TET1: variants seen among roughly 807,000 people sequenced by gnomAD.
TET1 encodes tet methylcytosine dioxygenase 1.
In TET1, 13 loss-of-function variants were observed where a neutral mutation model predicts 148.7. The ratio of observed to expected loss-of-function variants is 0.09; its 90% CI spans 0.06 to 0.14. TET1 has a LOEUF of 0.14. Ranked by LOEUF, TET1 falls within the 10% of genes least tolerant of loss-of-function variation. TET1 has a pLI of 1.00. For synonymous variants in TET1, 907 were observed against 937.2 expected, an observed-to-expected ratio of 0.97 and a Z score of 0.59; for missense variants, 2,182 against 2,553.8, an observed-to-expected ratio of 0.85 and a Z score of 3.14.
Position 68,573,069 on chromosome 10 carries a change from C to T in TET1, c.731C>T (p.Ala244Val). The change falls in exon 2 of 12, where the codon GCT becomes GTT. Residue 244 changes from alanine to valine, a missense_variant. Transcript: ENST00000373644. ...NDTSGSPKMF[A>V]QDTVCAPFPQ... Reference sequence around the variant, plus strand: ...ACCAGTGGTTCCCCAAAAATGTTTGCTCAGGACACAGTGTGTGCTCCTTTT... The same window carrying T: ...ACCAGTGGTTCCCCAAAAATGTTTGTTCAGGACACAGTGTGTGCTCCTTTT... 1.2e-6 allele frequency: 2 copies of T among 1,614,130 alleles called. No individual in the cohort carries two copies. The highest frequency in any genetic ancestry group is 8.5e-7 in the Non-Finnish European group (1 of 1,180,028).
intron 6 of TET1, among the ~76,000 whole-genome samples, chr10:68,655,314 T>C (rs192439788): frequency 6.4e-4 from 98 of 152,366 alleles, no homozygotes; most frequent in African/African-American, 2.2e-3. Flanking sequence ...AGTATAGTTT[T>C]ATTTTGTTTT....
chr10:68,688,247 G>T (rs1023507227), intron 11 of TET1, among the ~76,000 whole-genome samples: 1 of 151,606 alleles, frequency 6.6e-6, no homozygotes, highest in African/African-American at 2.4e-5. Context: ...ACAGGTGCCC[G>T]CCACCACGCC....
chr10:68,653,717 A>G (rs2054973954), intron 6 of TET1, among the ~76,000 whole-genome samples: 1 of 152,164 alleles, frequency 6.6e-6, no homozygotes, highest in Admixed American at 6.5e-5. Context: ...AGTTAGTCCA[A>G]CAGACTAACT....
At chr10:68,682,236 C>T (rs902676189) in intron 9 of TET1, among the ~76,000 whole-genome samples, 6 of 151,208 alleles carry the variant, frequency 4.0e-5, no homozygotes, top group African/African-American at 9.7e-5. Flanking sequence ...CTCAGCCTCC[C>T]GAGTAGCTGG....
intron 1 of TET1, among the ~76,000 whole-genome samples, chr10:68,563,242 C>G: frequency 6.6e-6 from 1 of 152,130 alleles, no homozygotes; most frequent in East Asian, 1.9e-4. Flanking sequence ...AGTGAGTTTC[C>G]CTGAACAGCT....
chr10:68,560,402 G>C lies in TET1; in HGVS notation c.-463G>C, dbSNP rs2133650423. ...GGGGCTGACCTGGCGGGGAGTGGCC[G>C]CGCAGTCTGCTCCGGCGCCGCTTTG... is the stretch of plus-strand genomic sequence containing the variant. On this transcript the variant is annotated 5_prime_UTR_variant, in exon 1 of 12. Coordinates refer to ENST00000373644, the MANE Select transcript of TET1 (RefSeq NM_030625.3). 6.6e-6 allele frequency among the ~76,000 whole-genome samples: 1 copy of C among 152,300 alleles called. No homozygotes were observed. Among genetic ancestry groups the C allele is most frequent in the East Asian group, 1.9e-4 (1 of 5,168 alleles).
chr10:68,676,266 ATATTTTTTTTTTTT>A (rs2055358772), intron 8 of TET1, among the ~76,000 whole-genome samples: 2 of 16,026 alleles, frequency 1.2e-4, no homozygotes, highest in African/African-American at 4.3e-4. Flanking sequence ...ATATATATAT[ATATTTTTTTTTTTT>A]TTTTTTTTTT....
chr10:68,597,628 C>G (rs999207998), intron 2 of TET1, among the ~76,000 whole-genome samples: 1 of 152,160 alleles, frequency 6.6e-6, no homozygotes. Context: ...AAGGTGTATA[C>G]TACTTGTATA....
At chr10:68,687,192 C>G (rs1042182659) in intron 11 of TET1, among the ~76,000 whole-genome samples, 1 of 146,032 alleles carries the variant, frequency 6.8e-6, no homozygotes, top group Non-Finnish European at 1.5e-5. Flanking sequence ...TGTGAGCCAC[C>G]GCGCCCGGCC....
At chr10:68,593,057 A>C (rs1299612008) in intron 2 of TET1, among the ~76,000 whole-genome samples, 1 of 151,784 alleles carries the variant, frequency 6.6e-6, no homozygotes, top group African/African-American at 2.4e-5. Flanking sequence ...AACATAGTGA[A>C]ATCTCTACTA....
intron 2 of TET1, among the ~76,000 whole-genome samples, chr10:68,596,017 C>CATATATATATATAT (rs1401841209): frequency 2.8e-5 from 3 of 108,560 alleles, no homozygotes; most frequent in African/African-American, 1.2e-4. Context: ...CACACACACA[C>CATATATATATATAT]ACACACACAC....
chr10:68,618,111 C>G (rs1197095929), intron 3 of TET1, among the ~76,000 whole-genome samples: 2 of 151,892 alleles, frequency 1.3e-5, no homozygotes, highest in African/African-American at 4.8e-5. Flanking sequence ...GCAATGGTAC[C>G]TCTTGAGTTT....
Position 68,572,920 on chromosome 10 carries a change from A to C in TET1, c.582A>C (p.Gln194His). Residue 194 changes from glutamine to histidine, a missense_variant, in exon 2 of 12, where the codon CAA (glutamine) becomes CAC (histidine). Transcript: ENST00000373644. ...KSQETTQFWS[Q>H]RVEDSKINIP... is the part of the protein sequence containing the mutation. ...AAGAGACAACTCAGTTTTGGTCCCA[A>C]AGAGTTGAGGATTCCAAGATCAATA... 6.2e-7 allele frequency: 1 copy of C among 1,614,142 alleles called. No individual in the cohort carries two copies. The highest frequency in any genetic ancestry group is 8.5e-7 in the Non-Finnish European group (1 of 1,180,028).
chr10:68,607,998 G>A (rs1470628571), intron 3 of TET1, among the ~76,000 whole-genome samples: 11 of 150,012 alleles, frequency 7.3e-5, no homozygotes, highest in African/African-American at 2.0e-4. Context: ...GTGCAATCTC[G>A]GCTCACTGCA....
rs563254211 is a variant in TET1, at chr10:68,660,452, G to A, written c.4462-6593G>A. Among the ~76,000 whole-genome samples, 13 of 149,080 alleles carry A rather than the reference G, an allele frequency of 8.7e-5. No individual in the cohort carries two copies. In the South Asian group the frequency reaches 2.7e-3, roughly 31 times the overall value. ...TCTCCTGGTTTCAAGCGATTCTCCT[G>A]TCTCAGCCTGCTAAGTACCTGGGAT... On this transcript the variant is annotated intron_variant, in intron 6 of 11. Coordinates refer to ENST00000373644, the MANE Select transcript of TET1 (RefSeq NM_030625.3).
chr10:68,680,982 T>C (rs1365530415), intron 8 of TET1, among the ~76,000 whole-genome samples: 3 of 152,354 alleles, frequency 2.0e-5, no homozygotes, highest in Middle Eastern at 3.4e-3. Flanking sequence ...GTGTTTTATG[T>C]ATGTACTCTC....
intron 7 of TET1, 55 bp downstream of exon 7, chr10:68,667,311 T>C: frequency 7.1e-7 from 1 of 1,417,870 alleles, no homozygotes; most frequent in Non-Finnish European, 9.6e-7. Flanking sequence ...TACATATTGG[T>C]AAAATTGTTA....
intron 2 of TET1, among the ~76,000 whole-genome samples, chr10:68,575,157 G>T (rs1333038974): frequency 6.6e-6 from 1 of 152,204 alleles, no homozygotes; most frequent in Admixed American, 6.5e-5. Context: ...GCCGAGGCGG[G>T]CAGATCACCT....
chr10:68,597,057 C>T (rs1273778339), intron 2 of TET1, among the ~76,000 whole-genome samples: 2 of 79,744 alleles, frequency 2.5e-5, no homozygotes, highest in African/African-American at 1.3e-4. Context: ...TTTTTGAGAC[C>T]GAGTCTCATT....
Sources: allele counts gnomAD v4.1 joint callset (sites outside exome capture counted in the v4.1 genomes callset), GRCh38; gene constraint gnomAD v4.1.1; transcripts MANE v1.5; gene names NCBI Gene and HGNC (gene_info 2026-07-23, HGNC 2026-07-21).